Variants in EIF2AK4 observed in about 807,000 individuals in gnomAD.
EIF2AK4 encodes eIF-2-alpha kinase GCN2.
Under a neutral mutation model 211.1 loss-of-function variants are expected in EIF2AK4, and 139 were observed. The observed-to-expected ratio is 0.66, with a 90% CI of 0.57 to 0.76. The LOEUF (loss-of-function observed/expected upper bound fraction) is 0.76, where lower values mean the gene tolerates loss of function less well. Among genes scored for constraint, EIF2AK4 ranks in the 30% least tolerant of loss-of-function variants. The pLI is 0.00. For synonymous variants in EIF2AK4, 710 were observed against 751.3 expected, an observed-to-expected ratio of 0.94 and a Z score of 0.90; for missense variants, 1,664 against 2,043.8, an observed-to-expected ratio of 0.81 and a Z score of 3.58.
Position 40,020,897 on chromosome 15 carries a change from AG to A in EIF2AK4, c.4174del. On this transcript the variant is annotated splice_acceptor_variant, in intron 30 of 38. Coordinates refer to ENST00000263791, the MANE Select transcript of EIF2AK4 (RefSeq NM_001013703.4). LOFTEE classifies it high-confidence loss of function. The stretch of plus-strand genomic sequence containing the variant: ...ACTGTAACCGGTCTGTTTCTGATCC[AG>A]GTTACAATAAGCTCTTGTGACCTCC... The A allele has an allele frequency of 6.2e-7, 1 of 1,607,198 alleles. No individual in the cohort carries two copies. The highest frequency in any genetic ancestry group is 1.1e-5 in the South Asian group (1 of 89,990).
Position 39,971,674 on chromosome 15 carries a change from A to G in EIF2AK4, c.1554-1234A>G, listed in dbSNP as rs182781747. 3.3e-5 allele frequency among the ~76,000 whole-genome samples: 5 copies of G among 152,262 alleles called. No homozygotes were observed. The East Asian group carries it at 9.7e-4, about 29-fold the overall frequency. On this transcript the variant is annotated intron_variant, in intron 9 of 38. Transcript: ENST00000263791. ...CGAGGCTGCCATGAGTGATGATCGC[A>G]ACACTGCTTTCCAGCTTGGGTGACA...
chr15:39,969,055 A>G (rs912693545), intron 9 of EIF2AK4, among the ~76,000 whole-genome samples: 1 of 152,082 alleles, frequency 6.6e-6, no homozygotes, highest in East Asian at 1.9e-4. Context: ...CACCCTAACA[A>G]TGAGGTTGGC....
At position 39,978,155 on chromosome 15, in the gene EIF2AK4, T is replaced by C. The variant is rs374929740; in HGVS notation, c.2319+8T>C. ...AGTAAAAGTCAGAATCAGGTATATA[T>C]ATGAATAGAAATTATATCATTTTAT... On this transcript the variant is annotated splice_region_variant and intron_variant, in intron 13 of 38. Coordinates refer to ENST00000263791, the MANE Select transcript of EIF2AK4 (RefSeq NM_001013703.4). 29 of 1,474,494 alleles carry C rather than the reference T, an allele frequency of 2.0e-5. No homozygotes were observed. The highest frequency in any genetic ancestry group is 7.2e-5 in the Admixed American group (4 of 55,732). The allele number at this position is 1,474,494 out of a possible 1,614,324, so 91.3% of individuals were successfully genotyped here. A position where few individuals can be genotyped will look rare whatever the true frequency, so the allele number is the denominator to read the frequency against.
At chr15:40,033,025 A>G (rs1377103855) in intron 37 of EIF2AK4, among the ~76,000 whole-genome samples, 2 of 152,178 alleles carry the variant, frequency 1.3e-5, no homozygotes, top group African/African-American at 4.8e-5. Context: ...TTATTTTATT[A>G]AAAACAAAAA....
intron 13 of EIF2AK4, 39 bp downstream of exon 13, chr15:39,978,186 A>C: frequency 7.9e-7 from 1 of 1,258,256 alleles, no homozygotes; most frequent in Non-Finnish European, 1.1e-6. Context: ...TTTATTCGTG[A>C]TATAATTGAC....
intron 32 of EIF2AK4, among the ~76,000 whole-genome samples, chr15:40,023,981 A>G (rs1472345002): frequency 6.6e-6 from 1 of 152,248 alleles, no homozygotes; most frequent in Non-Finnish European, 1.5e-5. Flanking sequence ...CAAACAAAGG[A>G]GAGTGTGTGA....
intron 26 of EIF2AK4, among the ~76,000 whole-genome samples, chr15:40,010,694 A>T (rs531701866): frequency 1.4e-4 from 21 of 152,346 alleles, no homozygotes; most frequent in African/African-American, 5.1e-4. Flanking sequence ...TTATACACCA[A>T]AAGGATTAAC....
intron 18 of EIF2AK4, among the ~76,000 whole-genome samples, chr15:39,995,121 C>T (rs1226828266): frequency 9.2e-5 from 14 of 152,136 alleles, no homozygotes; most frequent in African/African-American, 3.1e-4. Flanking sequence ...GGATTACAGG[C>T]ATGAGCCACT....
At chr15:39,975,768 T>C (rs763565524) in intron 11 of EIF2AK4, among the ~76,000 whole-genome samples, 17 of 152,254 alleles carry the variant, frequency 1.1e-4, no homozygotes, top group Non-Finnish European at 1.8e-4. Context: ...ATTGTGTTAA[T>C]AGCAATTGCT....
chr15:39,988,129 C>A (rs777413966), intron 15 of EIF2AK4, 24 bp downstream of exon 15: 49 of 1,611,312 alleles, frequency 3.0e-5, no homozygotes, highest in Non-Finnish European at 4.0e-5. Flanking sequence ...CATTTCATAT[C>A]TGAAGACTTA....
intron 1 of EIF2AK4, among the ~76,000 whole-genome samples, chr15:39,936,755 T>A (rs1261307956): frequency 1.3e-5 from 2 of 152,218 alleles, no homozygotes; most frequent in South Asian, 2.1e-4. Flanking sequence ...AATTCAGAAG[T>A]GCTTCTGTTC....
At chr15:40,008,631 T>G (rs1595426316) in intron 25 of EIF2AK4, among the ~76,000 whole-genome samples, 2 of 152,082 alleles carry the variant, frequency 1.3e-5, no homozygotes, top group South Asian at 4.1e-4. Context: ...ACACACCCTG[T>G]CATTCCTGCC....
At chr15:40,005,569 T>C (rs1742814283) in intron 23 of EIF2AK4, among the ~76,000 whole-genome samples, 1 of 151,804 alleles carries the variant, frequency 6.6e-6, no homozygotes, top group Non-Finnish European at 1.5e-5. Flanking sequence ...GCATGTACTT[T>C]TTTGTTTTAT....
chr15:39,955,939 T>C (rs981823509), intron 6 of EIF2AK4, among the ~76,000 whole-genome samples, 171 bp downstream of exon 6: 2 of 152,056 alleles, frequency 1.3e-5, no homozygotes, highest in African/African-American at 4.8e-5. Context: ...TTTAGCAATA[T>C]GAAACTAAAT....
At chr15:39,938,040 A>G (rs1029218313) in intron 1 of EIF2AK4, among the ~76,000 whole-genome samples, 2 of 152,182 alleles carry the variant, frequency 1.3e-5, no homozygotes, top group African/African-American at 4.8e-5. Flanking sequence ...AACCACATTT[A>G]AGTATATACC....
chr15:39,970,498 A>G (rs2034608269), intron 9 of EIF2AK4, among the ~76,000 whole-genome samples: 1 of 152,308 alleles, frequency 6.6e-6, no homozygotes, highest in South Asian at 2.1e-4. Flanking sequence ...GTGTAAATAA[A>G]TTCTGGTAGG....
chr15:40,001,997 T>C (rs1044951795), intron 21 of EIF2AK4, among the ~76,000 whole-genome samples: 6 of 152,132 alleles, frequency 3.9e-5, no homozygotes, highest in African/African-American at 1.4e-4. Context: ...GTTGGGTGAG[T>C]AGGTAACAGG....
rs3816901 is a variant in EIF2AK4, at chr15:39,978,505, G to T, written c.2319+358G>T. On this transcript the variant is annotated intron_variant, in intron 13 of 38. Transcript: ENST00000263791. ...TGCATTTATGGAGTTACCTCATCAT[G>T]GAGTTACCTTGGTCTGTCCCACGTC... 1.4e-3 allele frequency among the ~76,000 whole-genome samples: 206 copies of T among 152,194 alleles called. 4 individuals carry two copies. The South Asian group carries it at 0.041, about 30-fold the overall frequency.
intron 32 of EIF2AK4, among the ~76,000 whole-genome samples, chr15:40,025,579 G>C (rs1415625371): frequency 6.6e-6 from 1 of 152,108 alleles, no homozygotes; most frequent in South Asian, 2.1e-4. Context: ...AAACCTTGGT[G>C]GCTGACCAGA....
Sources: gnomAD v4.1 joint callset for allele counts (sites outside exome capture counted in the v4.1 genomes callset) on GRCh38, gnomAD v4.1.1 for gene constraint, MANE v1.5 for transcripts, NCBI Gene and HGNC (gene_info 2026-07-23, HGNC 2026-07-21) for gene names.